DEFB110: variants seen among roughly 807,000 people sequenced by gnomAD.
DEFB110 encodes defensin beta 110.
DEFB110 carries 4 observed loss-of-function variants against 2.5 expected under a neutral mutation model. The observed-to-expected ratio is 1.60, with a 90% CI of 0.79 to 3.66. DEFB110 has a LOEUF of 3.66. DEFB110 is among the 30% of genes most tolerant of loss of function. The pLI is 0.01. For synonymous variants in DEFB110, 29 were observed against 21.8 expected (o/e 1.33, Z -0.92); for missense variants, 94 against 75.4 (o/e 1.25, Z -0.91).
downstream of DEFB110, among the ~76,000 whole-genome samples, chr6:50,017,714 A>T (rs1051747739): frequency 3.3e-5 from 5 of 151,924 alleles, no homozygotes; most frequent in African/African-American, 1.2e-4. Flanking sequence ...GGAGAAAAAA[A>T]AATTTCCCCA....
At chr6:50,010,109 G>A (rs1228941202) in intron 1 of DEFB110, among the ~76,000 whole-genome samples, 1 of 151,744 alleles carries the variant, frequency 6.6e-6, no homozygotes, top group Non-Finnish European at 1.5e-5. Flanking sequence ...CCTATCTTTG[G>A]TCAGTCATTC....
chr6:50,010,798 C>CT lies in DEFB110; in HGVS notation c.56-1528dup, dbSNP rs1463424078. Among the ~76,000 whole-genome samples the CT allele has an allele frequency of 6.6e-5, 10 of 151,528 alleles. 1 individual carries two copies. In the East Asian group the frequency reaches 1.9e-3, roughly 29 times the overall value. The stretch of plus-strand genomic sequence containing the variant: ...TTTGTAACTGTTGCTAGAATAGAAA[C>CT]TTTTTAAGCCAATCAACATTCCTGA... On this transcript the variant is annotated intron_variant, in intron 1 of 1. Coordinates refer to the DEFB110 transcript ENST00000393660.
chr6:50,012,976 C>T (rs1438564099), intron 1 of DEFB110, among the ~76,000 whole-genome samples: 5 of 151,860 alleles, frequency 3.3e-5, no homozygotes, highest in Admixed American at 6.6e-5. Flanking sequence ...GTAAACTCTT[C>T]CTGGAATAGT....
At chr6:50,021,115 C>A (rs1457074407) in intron 1 of DEFB110, among the ~76,000 whole-genome samples, 2 of 152,138 alleles carry the variant, frequency 1.3e-5, no homozygotes, top group Non-Finnish European at 2.9e-5. Flanking sequence ...GCATTCATCT[C>A]CTCATTCAAA....
At position 50,018,901 on chromosome 6, in the gene DEFB110, T is replaced by A; in HGVS notation, c.*76A>T. On this transcript the variant is annotated 3_prime_UTR_variant, in exon 2 of 2. Coordinates refer to ENST00000371148, the MANE Select transcript of DEFB110 (RefSeq NM_001037497.2). Reference sequence around the variant, plus strand: ...TGTGTATTATAGAGACACACACGCCTTGAAGGATGTGCTGGGAAAACTTAA... The same window carrying A: ...TGTGTATTATAGAGACACACACGCCATGAAGGATGTGCTGGGAAAACTTAA... 1 of 1,517,108 alleles carries A rather than the reference T, an allele frequency of 6.6e-7. No individual in the cohort carries two copies. Among genetic ancestry groups the A allele is most frequent in the Non-Finnish European group, 8.8e-7 (1 of 1,137,606 alleles). 94.0% of individuals were successfully genotyped at this position (1,517,108 alleles called of 1,614,324 possible).
At chr6:50,012,595 T>A (rs1366402912) in intron 1 of DEFB110, among the ~76,000 whole-genome samples, 1 of 151,936 alleles carries the variant, frequency 6.6e-6, no homozygotes, top group Non-Finnish European at 1.5e-5. Context: ...AGGTAATACA[T>A]AAGGAAAAAT....
Position 50,009,205 on chromosome 6 carries a change from G to A in DEFB110, c.122C>T (p.Thr41Met), listed in dbSNP as rs1484799665. 1.2e-6 allele frequency: 2 copies of A among 1,609,710 alleles called. No individual in the cohort carries two copies. Among genetic ancestry groups the A allele is most frequent in the Non-Finnish European group, 1.7e-6 (2 of 1,179,140 alleles). Residue 41 changes from threonine to methionine, a missense_variant, in exon 2 of 2, where the codon ACG becomes ATG. By Grantham distance (81) the Thr-to-Met change is moderately conservative. Transcript: ENST00000393660. The stretch of plus-strand genomic sequence containing the variant: ...ATCATACTCAACATCATCACAAAAC[G>A]TTTTACATATTCCTCTCACTTTTTC...
intron 1 of DEFB110, among the ~76,000 whole-genome samples, chr6:50,009,996 A>G (rs577623277): frequency 6.6e-6 from 1 of 152,156 alleles, no homozygotes; most frequent in Non-Finnish European, 1.5e-5. Flanking sequence ...TTAAAGTTTT[A>G]TTGTTCCTAG....
chr6:50,010,542 G>C (rs1005174684), intron 1 of DEFB110, among the ~76,000 whole-genome samples: 2 of 147,806 alleles, frequency 1.4e-5, no homozygotes, highest in Admixed American at 1.3e-4. Context: ...TATATATATA[G>C]ACATACATAG....
At chr6:50,011,339 C>T (rs1774224958) in intron 1 of DEFB110, among the ~76,000 whole-genome samples, 1 of 151,940 alleles carries the variant, frequency 6.6e-6, no homozygotes, top group Admixed American at 6.6e-5. Context: ...CATAGTATCT[C>T]TTTCACTCAC....
intron 1 of DEFB110, among the ~76,000 whole-genome samples, chr6:50,010,974 G>T (rs963314362): frequency 1.8e-4 from 28 of 151,586 alleles, no homozygotes; most frequent in Admixed American, 1.8e-3. Context: ...TAAAGAATAA[G>T]AATGTTTTGA....
intron 1 of DEFB110, among the ~76,000 whole-genome samples, chr6:50,011,100 A>G (rs1047259760): frequency 6.6e-6 from 1 of 151,726 alleles, no homozygotes; most frequent in Non-Finnish European, 1.5e-5. Flanking sequence ...AAGGTTTGCC[A>G]TGTGTAAATT....
intron 1 of DEFB110, among the ~76,000 whole-genome samples, chr6:50,021,329 G>T (rs1474654175): frequency 3.3e-5 from 5 of 152,110 alleles, no homozygotes; most frequent in Admixed American, 3.3e-4. Context: ...GAGCTAAAAG[G>T]TCTCTAGACG....
At chr6:50,013,695 A>T (rs1451786220) in intron 1 of DEFB110, among the ~76,000 whole-genome samples, 2 of 151,884 alleles carry the variant, frequency 1.3e-5, no homozygotes, top group Non-Finnish European at 1.5e-5. Context: ...CCTAGAAGAT[A>T]TTTCTGAATG....
chr6:50,021,491 G>C (rs1211163799), intron 1 of DEFB110, among the ~76,000 whole-genome samples: 1 of 152,174 alleles, frequency 6.6e-6, no homozygotes, highest in Non-Finnish European at 1.5e-5. Flanking sequence ...TTTCAACAAA[G>C]TAAAATCTCT....
Position 50,018,893 on chromosome 6 carries a change from C to A in DEFB110, c.*84G>T, listed in dbSNP as rs375804733. ...TTAGTTCTTGTGTATTATAGAGACA[C>A]ACACGCCTTGAAGGATGTGCTGGGA... On this transcript the variant is annotated 3_prime_UTR_variant, in exon 2 of 2. Coordinates refer to ENST00000371148, the MANE Select transcript of DEFB110 (RefSeq NM_001037497.2). The A allele has an allele frequency of 9.3e-6, 14 of 1,497,928 alleles. No homozygotes were observed. In the East Asian group the frequency reaches 1.2e-4, roughly 13 times the overall value. The allele number at this position is 1,497,928 out of a possible 1,614,324, so 92.8% of individuals were successfully genotyped here.
chr6:50,015,607 C>T (rs1190792732), downstream of DEFB110, among the ~76,000 whole-genome samples: 3 of 151,806 alleles, frequency 2.0e-5, no homozygotes, highest in Non-Finnish European at 4.4e-5. Context: ...GGCTACTACA[C>T]TCTACTTTGT....
intron 1 of DEFB110, among the ~76,000 whole-genome samples, chr6:50,021,634 C>T (rs565426127): frequency 4.6e-5 from 7 of 152,180 alleles, no homozygotes; most frequent in African/African-American, 1.2e-4. Context: ...TTAAGATTAA[C>T]GAATTAATGT....
intron 1 of DEFB110, among the ~76,000 whole-genome samples, chr6:50,012,002 T>C (rs1235841808): frequency 6.6e-6 from 1 of 152,068 alleles, no homozygotes; most frequent in Admixed American, 6.6e-5. Flanking sequence ...AGTTTCCTTA[T>C]TAAATTGAGG....
Sources: allele counts gnomAD v4.1 joint callset (sites outside exome capture counted in the v4.1 genomes callset), GRCh38; gene constraint gnomAD v4.1.1; transcripts MANE v1.5; gene names NCBI Gene and HGNC (gene_info 2026-07-23, HGNC 2026-07-21).